The following TSC22D1 variants were observed in gnomAD, a reference collection of about 807,000 sequenced individuals.
TSC22D1 encodes the protein TSC22 domain family member 1.
In TSC22D1, 9 loss-of-function variants were observed where a neutral mutation model predicts 74.2. The ratio of observed to expected loss-of-function variants is 0.12; its 90% confidence interval spans 0.07 to 0.21. The LOEUF is 0.21. Ranked by LOEUF, TSC22D1 falls within the 10% of genes least tolerant of loss-of-function variation. The probability of loss-of-function intolerance (pLI) is 1.00; values close to 1 mark genes in which losing one functional copy is unlikely to be tolerated. For synonymous variants in TSC22D1, 586 were observed against 492.5 expected, an observed-to-expected ratio of 1.19 and a Z score of -2.51; for missense variants, 1,427 against 1,304.7, an observed-to-expected ratio of 1.09 and a Z score of -1.44.
rs571634172 is a variant in TSC22D1 at position 44,516,795 on chromosome 13, TCTC to T, written c.2912+56365_2912+56367del. On this transcript the variant is annotated intron_variant, in intron 1 of 2. Transcript: ENST00000458659. ...TTTTCCCTCTGTAATTCCCTTCATTTCTCCTCCTATTTCTGGAAACAGCAACAC... is the reference window on the plus strand; with the variant it reads ...TTTTCCCTCTGTAATTCCCTTCATTTCTCCTATTTCTGGAAACAGCAACAC... Among the ~76,000 whole-genome samples the T allele has an allele frequency of 8.7e-4, 132 of 152,196 alleles. 1 individual carries two copies. Among genetic ancestry groups the T allele is most frequent in the African/African-American group, 2.9e-3 (120 of 41,510 alleles).
At chr13:44,446,538 G>A (rs555032253) in intron 1 of TSC22D1, among the ~76,000 whole-genome samples, 2 of 152,196 alleles carry the variant, frequency 1.3e-5, no homozygotes, top group East Asian at 1.9e-4. Context: ...GAGGTACCTC[G>A]TTCACCACTT....
intron 1 of TSC22D1, among the ~76,000 whole-genome samples, chr13:44,552,091 C>A (rs1187140400): frequency 6.6e-6 from 1 of 152,126 alleles, no homozygotes; most frequent in African/African-American, 2.4e-5. Flanking sequence ...AAGGAATTCC[C>A]AAAAGAACCA....
intron 1 of TSC22D1, among the ~76,000 whole-genome samples, chr13:44,549,535 G>A (rs1340870695): frequency 1.3e-5 from 2 of 152,074 alleles, no homozygotes; most frequent in Non-Finnish European, 2.9e-5. Context: ...CACATTAGGA[G>A]GCTGAGGAGA....
At chr13:44,452,160 C>T (rs1223439875) in intron 1 of TSC22D1, among the ~76,000 whole-genome samples, 2 of 152,034 alleles carry the variant, frequency 1.3e-5, no homozygotes, top group Non-Finnish European at 2.9e-5. Flanking sequence ...CTTAAGAACC[C>T]AAATGAGGTT....
intron 1 of TSC22D1, among the ~76,000 whole-genome samples, chr13:44,442,735 G>C (rs1378432980): frequency 6.6e-6 from 1 of 151,870 alleles, no homozygotes; most frequent in Admixed American, 6.6e-5. Context: ...TGGCCAATAT[G>C]GTGAAACCCC....
At chr13:44,453,684 C>G (rs1379193298) in intron 1 of TSC22D1, among the ~76,000 whole-genome samples, 1 of 152,088 alleles carries the variant, frequency 6.6e-6, no homozygotes, top group Non-Finnish European at 1.5e-5. Context: ...TCTAGACACC[C>G]CAGAAATACG....
chr13:44,487,498 CAAAAAAAAAA>C (rs61034237), intron 1 of TSC22D1, among the ~76,000 whole-genome samples: 3 of 23,460 alleles, frequency 1.3e-4, no homozygotes, highest in African/African-American at 4.3e-4. Flanking sequence ...GACTCCATCT[CAAAAAAAAAA>C]AAAAAAAAAA....
intron 1 of TSC22D1, among the ~76,000 whole-genome samples, chr13:44,438,188 T>C (rs946038193): frequency 6.6e-6 from 1 of 152,162 alleles, no homozygotes; most frequent in Admixed American, 6.5e-5. Flanking sequence ...TCTAATGGCA[T>C]AATATAAAAA....
intron 1 of TSC22D1, among the ~76,000 whole-genome samples, chr13:44,547,820 C>T (rs1361283668): frequency 6.6e-6 from 1 of 151,958 alleles, no homozygotes; most frequent in Admixed American, 6.6e-5. Flanking sequence ...CCTATGATGC[C>T]CAGGCTGGAA....
At chr13:44,494,438 G>C (rs1030068040) in intron 1 of TSC22D1, among the ~76,000 whole-genome samples, 8 of 141,294 alleles carry the variant, frequency 5.7e-5, no homozygotes, top group African/African-American at 2.1e-4. Context: ...CATACCTGTG[G>C]TCCCAGATAC....
intron 1 of TSC22D1, among the ~76,000 whole-genome samples, chr13:44,546,571 A>C (rs927742115): frequency 1.3e-5 from 2 of 152,190 alleles, no homozygotes; most frequent in African/African-American, 4.8e-5. Context: ...AACCAAGTAC[A>C]ATATGAATTC....
At chr13:44,446,799 GGAAAAGGAGGAGGAAGAGGAGGAGGAA>G (rs1212556993) in intron 1 of TSC22D1, among the ~76,000 whole-genome samples, 1 of 116,842 alleles carries the variant, frequency 8.6e-6, no homozygotes, top group Non-Finnish European at 1.9e-5. Context: ...AGGAGGAGGA[GGAAAAGGAGGAGGAAGAGGAGGAGGAA>G]GAAGAGGAGG....
At chr13:44,487,832 G>A (rs1246281579) in intron 1 of TSC22D1, among the ~76,000 whole-genome samples, 2 of 152,100 alleles carry the variant, frequency 1.3e-5, no homozygotes, top group South Asian at 2.1e-4. Context: ...CAAGGCAGGC[G>A]GATCACTTCA....
chr13:44,440,284 G>T (rs1286593032), intron 1 of TSC22D1, among the ~76,000 whole-genome samples: 1 of 152,162 alleles, frequency 6.6e-6, no homozygotes, highest in African/African-American at 2.4e-5. Context: ...CAAAAGAGTA[G>T]AACAGTGGCC....
chr13:44,532,560 G>A (rs918458550), intron 1 of TSC22D1, among the ~76,000 whole-genome samples: 2 of 152,032 alleles, frequency 1.3e-5, no homozygotes, highest in Non-Finnish European at 2.9e-5. Flanking sequence ...TGCAAGCTCC[G>A]CCTCCCAGGT....
At position 44,575,779 on chromosome 13, in the gene TSC22D1, G is replaced by T; in HGVS notation, c.296C>A (p.Ala99Glu). ...CTTTTTCATTTGAGTTCCGCCTGGCGCAAGAGGCTGTGCCTGCAGCTGAGC... is the reference window on the plus strand; with the variant it reads ...CTTTTTCATTTGAGTTCCGCCTGGCTCAAGAGGCTGTGCCTGCAGCTGAGC... ...SQAQLQAQPLAPGGTQMKKKS... is the reference protein window; with the variant it reads ...SQAQLQAQPLEPGGTQMKKKS... The change falls in exon 1 of 3, where the codon GCG (alanine) becomes GAG (glutamate). Residue 99 changes from alanine (A) to glutamate (E), a missense_variant. Transcript: ENST00000458659. 1 of 1,614,192 alleles carries T rather than the reference G, an allele frequency of 6.2e-7. No homozygotes were observed. Among genetic ancestry groups the T allele is most frequent in the Non-Finnish European group, 8.5e-7 (1 of 1,180,030 alleles).
chr13:44,434,939 T>TA, intron 2 of TSC22D1, 56 bp from the exon 3 acceptor site: 2 of 1,470,908 alleles, frequency 1.4e-6, no homozygotes, highest in Non-Finnish European at 9.3e-7. Flanking sequence ...TGGACTCTTT[T>TA]GAGTTTCCAA....
intron 1 of TSC22D1, among the ~76,000 whole-genome samples, chr13:44,506,586 T>C (rs775129183): frequency 6.6e-6 from 1 of 152,194 alleles, no homozygotes; most frequent in Non-Finnish European, 1.5e-5. Context: ...TGTTTACCTA[T>C]GTAACAAACC....
At chr13:44,443,588 C>T (rs995942495) in intron 1 of TSC22D1, among the ~76,000 whole-genome samples, 1 of 152,184 alleles carries the variant, frequency 6.6e-6, no homozygotes, top group East Asian at 1.9e-4. Flanking sequence ...GTGCCACATA[C>T]CTGTAGTCCC....
Sources: allele counts gnomAD v4.1 joint callset (sites outside exome capture counted in the v4.1 genomes callset), GRCh38; gene constraint gnomAD v4.1.1; transcripts MANE v1.5; gene names NCBI Gene and HGNC (gene_info 2026-07-23, HGNC 2026-07-21).